PIK3C2G: variants seen among roughly 807,000 people sequenced by gnomAD.
The protein encoded by PIK3C2G is phosphatidylinositol-4-phosphate 3-kinase catalytic subunit type 2 gamma.
Under a neutral mutation model 181.1 loss-of-function variants are expected in PIK3C2G, and 168 were observed. The ratio of observed to expected loss-of-function variants is 0.93; its 90% CI spans 0.82 to 1.05. The LOEUF is 1.05. Ranked by LOEUF, PIK3C2G falls within the 50% of genes least tolerant of loss-of-function variation. The pLI is 0.00. For missense variants in PIK3C2G, 1,869 were observed against 1,732.8 expected, an observed-to-expected ratio of 1.08 and a Z score of -1.40; for synonymous variants, 573 against 592.2, an observed-to-expected ratio of 0.97 and a Z score of 0.47.
chr12:18,293,802 T>C, intron 4 of PIK3C2G, 99 bp from the exon 5 acceptor site: 1 of 666,074 alleles, frequency 1.5e-6, no homozygotes, highest in Non-Finnish European at 2.7e-6. Flanking sequence ...ACAGTTACAA[T>C]CCTTCATAAT....
rs140897638 is a variant in PIK3C2G at position 18,552,290 on chromosome 12, T to A, written c.3590+5858T>A. ...GGGTGTGAGACAAGACTCTTTATGC[T>A]CAAATGTCTTAAAACATAGTTCAAT... On this transcript the variant is annotated intron_variant, in intron 26 of 32. Transcript: ENST00000538779. Among the ~76,000 whole-genome samples, 521 of 152,260 alleles carry A rather than the reference T, an allele frequency of 3.4e-3. 1 individual carries two copies. The highest frequency in any genetic ancestry group is 0.012 in the African/African-American group (479 of 41,564).
chr12:18,468,930 G>A (rs1938179759), intron 18 of PIK3C2G, among the ~76,000 whole-genome samples: 1 of 152,060 alleles, frequency 6.6e-6, no homozygotes, highest in East Asian at 1.9e-4. Context: ...TTGGTTAATG[G>A]TGAGTAATGC....
intron 16 of PIK3C2G, among the ~76,000 whole-genome samples, chr12:18,416,617 A>ACT (rs973038165): frequency 6.6e-6 from 1 of 152,112 alleles, no homozygotes; most frequent in Admixed American, 6.6e-5. Flanking sequence ...TGCTAAAATG[A>ACT]CTCTGCCTGT....
At chr12:18,250,563 T>C (rs1326354608) in intron 1 of PIK3C2G, among the ~76,000 whole-genome samples, 1 of 152,032 alleles carries the variant, frequency 6.6e-6, no homozygotes, top group Non-Finnish European at 1.5e-5. Context: ...ACAAAGCAGA[T>C]ATTCCCTTCA....
At chr12:18,353,809 G>C (rs1225459058) in intron 11 of PIK3C2G, among the ~76,000 whole-genome samples, 1 of 152,178 alleles carries the variant, frequency 6.6e-6, no homozygotes, top group Non-Finnish European at 1.5e-5. Flanking sequence ...AGGCCTCTCA[G>C]CCTTTCCAGA....
At chr12:18,578,315 T>C (rs1042546166) in intron 29 of PIK3C2G, among the ~76,000 whole-genome samples, 1 of 152,178 alleles carries the variant, frequency 6.6e-6, no homozygotes, top group Non-Finnish European at 1.5e-5. Flanking sequence ...TTTTTTTTCC[T>C]CCTATATTCC....
chr12:18,500,882 C>G (rs1046126642), intron 22 of PIK3C2G, among the ~76,000 whole-genome samples: 2 of 152,110 alleles, frequency 1.3e-5, no homozygotes, highest in African/African-American at 2.4e-5. Context: ...CAACCCTCAC[C>G]GCGAAGGTCT....
intron 24 of PIK3C2G, among the ~76,000 whole-genome samples, chr12:18,522,888 A>G (rs1943008313): frequency 6.6e-6 from 1 of 152,060 alleles, no homozygotes; most frequent in African/African-American, 2.4e-5. Flanking sequence ...AGTTCACTTG[A>G]CAGTGGCTCT....
chr12:18,415,013 A>G (rs1046471655), intron 16 of PIK3C2G, among the ~76,000 whole-genome samples: 1 of 152,220 alleles, frequency 6.6e-6, no homozygotes, highest in Non-Finnish European at 1.5e-5. Context: ...AGTGCAAAAA[A>G]TTATTCCCAG....
rs58009249 is a variant in PIK3C2G at position 18,385,054 on chromosome 12, G to A, written c.1995+3174G>A. ...AACCAAGTTCTGCATCCAGTGTTTCGTTAGGGAGTTAGTATGAGTCTCGGG... is the reference window on the plus strand; with the variant it reads ...AACCAAGTTCTGCATCCAGTGTTTCATTAGGGAGTTAGTATGAGTCTCGGG... On this transcript the variant is annotated intron_variant, in intron 14 of 32. Transcript: ENST00000538779. Among the ~76,000 whole-genome samples, 1,158 of 152,140 alleles carry A rather than the reference G, an allele frequency of 7.6e-3. 14 individuals are homozygous for A. Among genetic ancestry groups the A allele is most frequent in the African/African-American group, 0.026 (1,097 of 41,490 alleles).
chr12:18,603,161 T>C (rs1052252675), intron 30 of PIK3C2G, among the ~76,000 whole-genome samples: 11 of 152,078 alleles, frequency 7.2e-5, no homozygotes, highest in Non-Finnish European at 1.2e-4. Context: ...TTCAAGGAAA[T>C]AGATATCTTA....
chr12:18,332,736 G>A (rs989898362), intron 8 of PIK3C2G, among the ~76,000 whole-genome samples: 1 of 152,028 alleles, frequency 6.6e-6, no homozygotes, highest in Non-Finnish European at 1.5e-5. Context: ...CTGGGCTCAG[G>A]GAAATGCAGG....
At chr12:18,602,656 G>A (rs1947797865) in intron 30 of PIK3C2G, among the ~76,000 whole-genome samples, 2 of 152,034 alleles carry the variant, frequency 1.3e-5, no homozygotes, top group African/African-American at 4.8e-5. Flanking sequence ...ACAGATGCTG[G>A]TATCCATGGC....
intron 11 of PIK3C2G, among the ~76,000 whole-genome samples, chr12:18,351,279 A>G (rs2137699925): frequency 6.6e-6 from 1 of 152,242 alleles, no homozygotes; most frequent in Non-Finnish European, 1.5e-5. Context: ...TCTTAAAGTG[A>G]AAAATATAGC....
chr12:18,271,526 T>A (rs545676207), intron 1 of PIK3C2G, among the ~76,000 whole-genome samples: 4 of 152,238 alleles, frequency 2.6e-5, no homozygotes, highest in Admixed American at 2.6e-4. Flanking sequence ...TCTCATCAGG[T>A]CCTTAAAAGG....
intron 26 of PIK3C2G, among the ~76,000 whole-genome samples, chr12:18,561,456 G>A (rs1945339959): frequency 6.6e-6 from 1 of 152,136 alleles, no homozygotes; most frequent in Non-Finnish European, 1.5e-5. Context: ...TCCAGCCTGG[G>A]TGACAGAGTA....
the PIK3C2G span, among the ~76,000 whole-genome samples, chr12:18,686,024 T>A: frequency 2.0e-5 from 3 of 152,026 alleles, no homozygotes; most frequent in Non-Finnish European, 4.4e-5. Flanking sequence ...TATCCAAATG[T>A]TATCCTTTTC....
chr12:18,622,641 A>T (rs1001625839), intron 31 of PIK3C2G, among the ~76,000 whole-genome samples: 1 of 151,844 alleles, frequency 6.6e-6, no homozygotes, highest in Non-Finnish European at 1.5e-5. Flanking sequence ...TACTGTTTTT[A>T]AAAATGGTTG....
At chr12:18,697,102 G>A in the PIK3C2G span, among the ~76,000 whole-genome samples, 1 of 151,900 alleles carries the variant, frequency 6.6e-6, no homozygotes, top group African/African-American at 2.4e-5. Flanking sequence ...GCTTCTCCAA[G>A]GATTTTCTTT....
Sources: gnomAD v4.1 joint callset for allele counts (sites outside exome capture counted in the v4.1 genomes callset) on GRCh38, gnomAD v4.1.1 for gene constraint, MANE v1.5 for transcripts, NCBI Gene and HGNC (gene_info 2026-07-23, HGNC 2026-07-21) for gene names.